TMEM229B: variants seen among roughly 807,000 people sequenced by gnomAD.
TMEM229B encodes the protein transmembrane protein 229B.
Under a neutral mutation model 13.7 loss-of-function variants are expected in TMEM229B, and 6 were observed. The ratio of observed to expected loss-of-function variants is 0.44; its 90% CI spans 0.24 to 0.86. The LOEUF (loss-of-function observed/expected upper bound fraction) is 0.86, where lower values mean the gene tolerates loss of function less well. Among genes scored for constraint, TMEM229B ranks in the 40% least tolerant of loss-of-function variants. TMEM229B has a pLI of 0.23. For missense variants in TMEM229B, 170 were observed against 236.0 expected (o/e 0.72, Z 1.83); for synonymous variants, 107 against 102.1 (o/e 1.05, Z -0.29).
intron 1 of TMEM229B, among the ~76,000 whole-genome samples, chr14:67,508,757 A>AAAAAAAAAAAAAAAAAAAC (rs1269386811): frequency 6.7e-6 from 1 of 149,154 alleles, no homozygotes; most frequent in Admixed American, 6.7e-5. Flanking sequence ...TTGTCTCAAA[A>AAAAAAAAAAAAAAAAAAAC]AAAAAAAAAA....
chr14:67,512,062 C>T (rs1316065574), intron 1 of TMEM229B, among the ~76,000 whole-genome samples: 1 of 152,198 alleles, frequency 6.6e-6, no homozygotes, highest in Non-Finnish European at 1.5e-5. Context: ...TACGTAAATT[C>T]TGAGTGCATC....
intron 1 of TMEM229B, among the ~76,000 whole-genome samples, chr14:67,504,823 T>C (rs2032759103): frequency 6.6e-6 from 1 of 152,162 alleles, no homozygotes; most frequent in South Asian, 2.1e-4. Context: ...AGGCAGAGGT[T>C]GCAGGTGAGC....
chr14:67,514,671 AC>A (rs1172277217), intron 1 of TMEM229B, among the ~76,000 whole-genome samples: 5 of 151,144 alleles, frequency 3.3e-5, no homozygotes, highest in Non-Finnish European at 7.4e-5. Context: ...CCAGACTGTC[AC>A]CCCCCTCCAC....
chr14:67,493,162 A>T (rs2032235581), upstream of TMEM229B, among the ~76,000 whole-genome samples: 1 of 152,224 alleles, frequency 6.6e-6, no homozygotes, highest in African/African-American at 2.4e-5. Context: ...GCAAGGCCAG[A>T]GTAGCTGGTG....
At chr14:67,486,791 G>A (rs890029257) in intron 2 of TMEM229B, among the ~76,000 whole-genome samples, 1 of 152,168 alleles carries the variant, frequency 6.6e-6, no homozygotes, top group Admixed American at 6.5e-5. Flanking sequence ...GGTCTGGCCT[G>A]GATTTTAGAG....
intron 1 of TMEM229B, among the ~76,000 whole-genome samples, chr14:67,514,230 AC>A (rs1385292729): frequency 2.0e-5 from 3 of 151,234 alleles, no homozygotes; most frequent in Non-Finnish European, 4.4e-5. Context: ...GCAGCCAAAC[AC>A]CCCCAGGGAA....
chr14:67,507,877 G>A (rs1190126171), intron 1 of TMEM229B, among the ~76,000 whole-genome samples: 4 of 152,156 alleles, frequency 2.6e-5, no homozygotes, highest in African/African-American at 7.2e-5. Flanking sequence ...GTTGGCTCAC[G>A]CCTGTAGTCC....
At chr14:67,527,651 A>C (rs1404821621) in intron 1 of TMEM229B, among the ~76,000 whole-genome samples, 1 of 152,168 alleles carries the variant, frequency 6.6e-6, no homozygotes, top group Non-Finnish European at 1.5e-5. Context: ...ATAAACCAAC[A>C]ATGTGTTTTG....
intron 1 of TMEM229B, chr14:67,533,406 A>ACC (rs1407925839): frequency 2.0e-5 from 3 of 151,224 alleles, no homozygotes; most frequent in Non-Finnish European, 3.0e-5. Context: ...GAGGTGAGCG[A>ACC]CCCGCGCTCC....
chr14:67,498,387 C>A (rs891072227), intron 1 of TMEM229B, among the ~76,000 whole-genome samples: 9 of 152,178 alleles, frequency 5.9e-5, no homozygotes, highest in African/African-American at 2.2e-4. Flanking sequence ...TTTCAGCAAA[C>A]CTTCAGAAGG....
In TMEM229B at chr14:67,524,212, T is replaced by C. The variant is rs921064662; in HGVS notation, c.-192+9424A>G. 2.0e-5 allele frequency among the ~76,000 whole-genome samples: 3 copies of C among 152,188 alleles called. No homozygotes were observed. The South Asian group carries it at 6.2e-4, about 32-fold the overall frequency. ...GCTCAATCTTCCCGCCTCAGCCTAG[T>C]GAGTAGCTGGGATTACAGATGCATG... On this transcript the variant is annotated intron_variant, in intron 1 of 2. Coordinates refer to the TMEM229B transcript ENST00000554278.
At chr14:67,501,163 C>T (rs541164645) in intron 1 of TMEM229B, among the ~76,000 whole-genome samples, 1 of 151,874 alleles carries the variant, frequency 6.6e-6, no homozygotes, top group South Asian at 2.1e-4. Context: ...CTAGCTTGAA[C>T]GAAATGCAAA....
intron 1 of TMEM229B, among the ~76,000 whole-genome samples, chr14:67,510,778 G>A (rs2032998789): frequency 6.6e-6 from 1 of 152,144 alleles, no homozygotes; most frequent in African/African-American, 2.4e-5. Flanking sequence ...GTTTGGCCAA[G>A]GACAGCAATG....
At chr14:67,500,942 G>A (rs904252225) in intron 1 of TMEM229B, among the ~76,000 whole-genome samples, 10 of 151,714 alleles carry the variant, frequency 6.6e-5, no homozygotes, top group Non-Finnish European at 1.2e-4. Flanking sequence ...TGACTCAAAT[G>A]AGTAGCTGCA....
At chr14:67,484,117 A>T (rs941168403) in intron 2 of TMEM229B, among the ~76,000 whole-genome samples, 2 of 152,162 alleles carry the variant, frequency 1.3e-5, no homozygotes, top group African/African-American at 2.4e-5. Flanking sequence ...CCTCTCTGTC[A>T]CTCACATCAT....
intron 1 of TMEM229B, among the ~76,000 whole-genome samples, chr14:67,501,503 T>TAC (rs2032609767): frequency 6.6e-6 from 1 of 152,282 alleles, no homozygotes; most frequent in South Asian, 2.1e-4. Flanking sequence ...GTGCTGGGAT[T>TAC]ACAGGCATGA....
chr14:67,499,178 T>C (rs2032509481), intron 1 of TMEM229B, among the ~76,000 whole-genome samples: 1 of 151,830 alleles, frequency 6.6e-6, no homozygotes, highest in Non-Finnish European at 1.5e-5. Context: ...AATTTCTTAA[T>C]TTTTTTGTAG....
At chr14:67,479,274 C>T (rs528004641) in intron 2 of TMEM229B, among the ~76,000 whole-genome samples, 2 of 151,484 alleles carry the variant, frequency 1.3e-5, no homozygotes, top group African/African-American at 4.8e-5. Context: ...GGCGTGGTGG[C>T]GTGTGCCTGT....
Position 67,473,432 on chromosome 14 carries a change from G to A in TMEM229B, c.492C>T (p.Val164=), listed in dbSNP as rs766780967. 5.6e-6 allele frequency: 9 copies of A among 1,613,842 alleles called. No individual in the cohort carries two copies. The highest frequency in any genetic ancestry group is 1.7e-5 in the Admixed American group (1 of 59,996). Residue 164 remains valine (V), a synonymous_variant, in exon 3 of 3, where the codon GTC becomes GTT. Coordinates refer to ENST00000554480, the MANE Select transcript of TMEM229B (RefSeq NM_001348543.2). The surrounding 1 kb of genome is among the most constrained non-coding windows in gnomAD (Gnocchi z 6.5). ...SGALALANGH[V]KTD is the part of the protein sequence containing the mutation. ...ACCCGCTTCCTGCTCAGTCAGTCTT[G>A]ACATGGCCGTTGGCCAGGGCTAGGG...
Sources: allele counts gnomAD v4.1 joint callset (sites outside exome capture counted in the v4.1 genomes callset), GRCh38; gene constraint gnomAD v4.1.1; non-coding constraint Gnocchi (gnomAD v3.1); transcripts MANE v1.5; gene names NCBI Gene and HGNC (gene_info 2026-07-23, HGNC 2026-07-21).